STARD9: variants seen among roughly 807,000 people sequenced by gnomAD.
STARD9 encodes StAR related lipid transfer domain containing 9, also known as stAR-related lipid transfer protein 9.
In STARD9, 346 loss-of-function variants were observed where a neutral mutation model predicts 399.8. The ratio of observed to expected loss-of-function variants is 0.87; its 90% CI spans 0.79 to 0.95. The LOEUF is 0.95. Among genes scored for constraint, STARD9 ranks in the 40% least tolerant of loss-of-function variants. The pLI, the probability that STARD9 is intolerant of heterozygous loss-of-function variation, is 0.00. For synonymous variants in STARD9, 2,203 were observed against 2,143.5 expected (o/e 1.03, Z -0.77); for missense variants, 5,832 against 5,667.5 (o/e 1.03, Z -0.93).
chr15:42,648,859 G>A (rs1417946018), intron 7 of STARD9, among the ~76,000 whole-genome samples: 1 of 151,468 alleles, frequency 6.6e-6, no homozygotes, highest in East Asian at 1.9e-4. Context: ...AAGGCCTATT[G>A]CCTGTATACT....
At chr15:42,712,695 T>C (rs1237051169) in intron 26 of STARD9, among the ~76,000 whole-genome samples, 1 of 152,206 alleles carries the variant, frequency 6.6e-6, no homozygotes, top group East Asian at 1.9e-4. Flanking sequence ...CTTATGCCAG[T>C]ACCACACTTT....
intron 26 of STARD9, among the ~76,000 whole-genome samples, chr15:42,709,653 C>A (rs2061168804): frequency 6.6e-6 from 1 of 152,174 alleles, no homozygotes; most frequent in South Asian, 2.1e-4. Flanking sequence ...CCACTGCACT[C>A]CAGCCTGGGT....
At chr15:42,636,872 C>G (rs2059428007) in intron 4 of STARD9, among the ~76,000 whole-genome samples, 1 of 151,998 alleles carries the variant, frequency 6.6e-6, no homozygotes. Context: ...TCAAGACCAG[C>G]CTGGCCAACG....
rs1242309389 is a variant in STARD9, at chr15:42,663,859, G to A, written c.1118G>A (p.Ser373Asn). Residue 373 changes from serine (S) to asparagine (N), a missense_variant, in exon 13 of 33, where the codon AGC becomes AAC. Coordinates refer to ENST00000290607, the MANE Select transcript of STARD9 (RefSeq NM_020759.3). ...PAHTSYSETM[S>N]TLRYASSAKN... ...CACACTAGCTACAGTGAGACCATGA[G>A]CACACTGAGATATGCATCCAGTGCC... 1 of 1,537,088 alleles carries A rather than the reference G, an allele frequency of 6.5e-7. No individual in the cohort carries two copies. The highest frequency in any genetic ancestry group is 2.4e-5 in the East Asian group (1 of 40,916).
chr15:42,683,401 T>A (rs1467184328), intron 22 of STARD9, among the ~76,000 whole-genome samples: 1 of 152,246 alleles, frequency 6.6e-6, no homozygotes, highest in African/African-American at 2.4e-5. Context: ...TGAAGTTTTT[T>A]AAAGCAATTT....
chr15:42,637,466 C>T (rs1434750159), intron 4 of STARD9, among the ~76,000 whole-genome samples: 2 of 152,124 alleles, frequency 1.3e-5, no homozygotes, highest in African/African-American at 2.4e-5. Flanking sequence ...CCACCCACCT[C>T]GGCCTCCCAA....
intron 16 of STARD9, chr15:42,669,688 T>C (rs548812619): frequency 1.1e-5 from 2 of 183,980 alleles, no homozygotes; most frequent in African/African-American, 2.3e-5. Flanking sequence ...GGTATAGTCA[T>C]GGAGAGTGAA....
intron 16 of STARD9, chr15:42,673,957 C>A (rs754584400): frequency 2.2e-6 from 1 of 456,446 alleles, no homozygotes; most frequent in South Asian, 1.5e-5. Flanking sequence ...ATCTGCGGAC[C>A]AAGAAGGTAA....
At chr15:42,682,855 G>T (rs16957043) in intron 22 of STARD9, among the ~76,000 whole-genome samples, 1 of 151,436 alleles carries the variant, frequency 6.6e-6, no homozygotes, top group African/African-American at 2.4e-5. Flanking sequence ...CTCACTTTTC[G>T]TCTGTTCCTT....
At chr15:42,669,094 G>A (rs1479302784) in intron 15 of STARD9, 64 bp from the exon 16 acceptor site, 6 of 1,346,832 alleles carry the variant, frequency 4.5e-6, no homozygotes, top group Non-Finnish European at 6.0e-6. Context: ...AGATTGTAAT[G>A]ACTTCTGACC....
Position 42,616,324 on chromosome 15 carries a change from A to G in STARD9, c.235-18532A>G, listed in dbSNP as rs1174775725. Reference sequence around the variant, plus strand: ...TTACTTTTGGCCAAAGGCCATTTCAAAATATTAGTAAGACTGTTATTCAGA... The same window carrying G: ...TTACTTTTGGCCAAAGGCCATTTCAGAATATTAGTAAGACTGTTATTCAGA... On this transcript the variant is annotated intron_variant, in intron 3 of 32. Transcript: ENST00000290607. Among the ~76,000 whole-genome samples, 4 of 152,256 alleles carry G rather than the reference A, an allele frequency of 2.6e-5. No individual in the cohort carries two copies. In the East Asian group the frequency reaches 7.7e-4, roughly 29 times the overall value.
At position 42,687,572 on chromosome 15, in the gene STARD9, T is replaced by C. The variant is rs907931857; in HGVS notation, c.5994T>C (p.Gly1998=). The C allele has an allele frequency of 6.5e-7, 1 of 1,536,872 alleles. No individual in the cohort carries two copies. Among genetic ancestry groups the C allele is most frequent in the Non-Finnish European group, 8.7e-7 (1 of 1,146,906 alleles). ...GCTCAGAAGAGTTTAAGCTTCCAGG[T>C]ACAAAGCCTGCATATGAAAGGTTCC... ...KDSSEEFKLP[G]TKPAYERFQL... The change falls in exon 23 of 33, where the codon GGT becomes GGC. Residue 1998 remains glycine (G), a synonymous_variant. Coordinates refer to ENST00000290607, the MANE Select transcript of STARD9 (RefSeq NM_020759.3).
rs766273469 is a variant in STARD9 at position 42,718,077 on chromosome 15, C to T, written c.13660C>T (p.Arg4554Cys). The change falls in exon 30 of 33, where the codon CGT (arginine) becomes TGT (cysteine). Residue 4554 changes from arginine to cysteine, a missense_variant. Physicochemically the swap from Arg to Cys is radical, Grantham distance 180 (BLOSUM62 -3). Transcript: ENST00000290607. ...AGGTGTGGTGTCCCAGCCGCTGTCT[C>T]GTGTGTGGGCGGCTGTCAGTGACCC... ...GAGVVSQPLS[R>C]VWAAVSDPTV... The T allele has an allele frequency of 1.1e-5, 17 of 1,537,118 alleles. No individual in the cohort carries two copies. The highest frequency in any genetic ancestry group is 1.1e-4 in the African/African-American group (8 of 73,032).
intron 18 of STARD9, 106 bp from the exon 19 acceptor site, chr15:42,675,558 C>T: frequency 1.2e-6 from 1 of 801,668 alleles, no homozygotes; most frequent in East Asian, 2.7e-5. Context: ...GCAAAATTAT[C>T]AGTTATCGAG....
chr15:42,649,197 T>G (rs2059706633), intron 7 of STARD9, among the ~76,000 whole-genome samples: 1 of 152,078 alleles, frequency 6.6e-6, no homozygotes, highest in African/African-American at 2.4e-5. Context: ...AGCCGGCTGA[T>G]TTTTGTATTT....
intron 4 of STARD9, among the ~76,000 whole-genome samples, chr15:42,635,932 T>C (rs932900719): frequency 2.6e-5 from 4 of 152,178 alleles, no homozygotes; most frequent in Non-Finnish European, 5.9e-5. Flanking sequence ...AATGAGAGGC[T>C]TCCTTTATCA....
At position 42,675,503 on chromosome 15, in the gene STARD9, A is replaced by T. The variant is rs1010748904; in HGVS notation, c.1688-161A>T. 8.2e-6 allele frequency: 5 copies of T among 607,620 alleles called. No homozygotes were observed. In the South Asian group the frequency reaches 9.8e-5, roughly 12 times the overall value. 37.6% of individuals were successfully genotyped at this position (607,620 alleles called of 1,614,324 possible). A position where few individuals can be genotyped will look rare whatever the true frequency, so the allele number is the denominator to read the frequency against. ...TTCCTGTCTGTCTTATTAATTCAAG[A>T]TGTATGCTGTGAGATGCAGAATTAA... On this transcript the variant is annotated intron_variant, in intron 18 of 32. Transcript: ENST00000290607.
chr15:42,665,406 T>C, intron 14 of STARD9, 76 bp downstream of exon 14: 12 of 1,168,826 alleles, frequency 1.0e-5, no homozygotes, highest in Non-Finnish European at 1.2e-5. Flanking sequence ...CCATAGAGTC[T>C]GGGCCCTGCT....
intron 7 of STARD9, among the ~76,000 whole-genome samples, chr15:42,648,833 T>C (rs1191755185): frequency 1.3e-5 from 2 of 152,138 alleles, no homozygotes; most frequent in Admixed American, 6.6e-5. Context: ...TTTGGGACTC[T>C]AATTACAGGT....
Sources: gnomAD v4.1 joint callset for allele counts (sites outside exome capture counted in the v4.1 genomes callset) on GRCh38, gnomAD v4.1.1 for gene constraint, MANE v1.5 for transcripts, NCBI Gene and HGNC (gene_info 2026-07-23, HGNC 2026-07-21) for gene names.